CDH17: variants seen among roughly 807,000 people sequenced by gnomAD.
CDH17 encodes the protein cadherin 17, also known as cadherin-17.
Under a neutral mutation model 86.3 loss-of-function variants are expected in CDH17, and 67 were observed. That is an observed-to-expected ratio of 0.78 (90% CI 0.64 to 0.95). CDH17 has a LOEUF of 0.95. Among genes scored for constraint, CDH17 ranks in the 40% least tolerant of loss-of-function variants. The pLI is 0.00. For synonymous variants in CDH17, 367 were observed against 366.4 expected (o/e 1.00, Z -0.02); for missense variants, 993 against 1,017.6 (o/e 0.98, Z 0.33).
chr8:94,132,058 T>G (rs1442774923), intron 15 of CDH17, among the ~76,000 whole-genome samples: 1 of 152,234 alleles, frequency 6.6e-6, no homozygotes, highest in Admixed American at 6.5e-5. Context: ...GTGCCACATT[T>G]TCTTAATCCA....
intron 1 of CDH17, among the ~76,000 whole-genome samples, chr8:94,198,635 G>A (rs954975868): frequency 2.0e-5 from 3 of 151,992 alleles, no homozygotes; most frequent in African/African-American, 7.3e-5. Flanking sequence ...AACTCTTCCA[G>A]CCTTATCTGC....
intron 13 of CDH17, among the ~76,000 whole-genome samples, chr8:94,151,490 A>G (rs1301789545): frequency 6.6e-6 from 1 of 152,174 alleles, no homozygotes; most frequent in Non-Finnish European, 1.5e-5. Flanking sequence ...TAGAACTCCA[A>G]TACACCTTTA....
At chr8:94,205,706 T>C (rs537156233) in intron 1 of CDH17, among the ~76,000 whole-genome samples, 2 of 152,148 alleles carry the variant, frequency 1.3e-5, no homozygotes, top group Non-Finnish European at 2.9e-5. Context: ...TTTTTTTTTT[T>C]AATCATTGGA....
intron 11 of CDH17, among the ~76,000 whole-genome samples, chr8:94,161,504 G>A (rs537254434): frequency 6.6e-6 from 1 of 152,258 alleles, no homozygotes; most frequent in East Asian, 1.9e-4. Flanking sequence ...AAGTCTGAAC[G>A]CCCTATCGAT....
At chr8:94,201,981 G>T (rs1228082879) in intron 1 of CDH17, 1 of 230,326 alleles carries the variant, frequency 4.3e-6, no homozygotes, top group Non-Finnish European at 8.6e-6. Flanking sequence ...TAGCCCTGGA[G>T]CTGAGGAATA....
At chr8:94,161,765 T>C (rs1320732158) in intron 11 of CDH17, among the ~76,000 whole-genome samples, 1 of 152,166 alleles carries the variant, frequency 6.6e-6, no homozygotes, top group Admixed American at 6.5e-5. Flanking sequence ...CACAAAAAAA[T>C]ATATAATGAC....
chr8:94,188,274 T>C (rs1465010617), intron 3 of CDH17, among the ~76,000 whole-genome samples: 2 of 152,284 alleles, frequency 1.3e-5, no homozygotes, highest in Non-Finnish European at 2.9e-5. Flanking sequence ...ACTGTATTTT[T>C]AAATTTGTAT....
intron 15 of CDH17, among the ~76,000 whole-genome samples, chr8:94,135,971 G>A (rs1162442646): frequency 3.9e-5 from 6 of 152,172 alleles, no homozygotes; most frequent in Non-Finnish European, 8.8e-5. Flanking sequence ...TAAGAACGTT[G>A]AATATTGGCC....
At chr8:94,160,221 A>C in intron 11 of CDH17, 59 bp from the exon 12 acceptor site, 1 of 1,307,436 alleles carries the variant, frequency 7.6e-7, no homozygotes, top group Non-Finnish European at 1.1e-6. Context: ...AAGCCAAAGG[A>C]CAAACTTATC....
chr8:94,159,919 T>C, intron 12 of CDH17, 52 bp downstream of exon 12: 4 of 1,438,188 alleles, frequency 2.8e-6, no homozygotes, highest in Non-Finnish European at 3.8e-6. Context: ...CTGTCATTAG[T>C]AAATTAACCC....
upstream of CDH17, among the ~76,000 whole-genome samples, chr8:94,213,288 G>A (rs1335887820): frequency 3.3e-5 from 5 of 152,214 alleles, no homozygotes; most frequent in Non-Finnish European, 7.3e-5. Context: ...CTGGATTTCT[G>A]ATGCAGGTGA....
Position 94,189,299 on chromosome 8 carries a change from AAG to A in CDH17, c.52-16_52-15del, listed in dbSNP as rs1813641114. ...ATATCCAGTTGCCTGTTAAAAAAGA[AAG>A]AGAAAATTAGCATCTTGTATGAAGT... On this transcript the variant is annotated splice_polypyrimidine_tract_variant and intron_variant, in intron 2 of 17. Transcript: ENST00000027335. 6.3e-7 allele frequency: 1 copy of A among 1,579,344 alleles called. No homozygotes were observed. The highest frequency in any genetic ancestry group is 1.4e-5 in the African/African-American group (1 of 73,168).
intron 3 of CDH17, among the ~76,000 whole-genome samples, chr8:94,180,811 C>A (rs908185572): frequency 6.6e-6 from 1 of 152,002 alleles, no homozygotes; most frequent in Non-Finnish European, 1.5e-5. Flanking sequence ...AGGAGAATAG[C>A]GTGAACCCAG....
At chr8:94,155,007 T>C (rs1051256237) in intron 12 of CDH17, among the ~76,000 whole-genome samples, 1 of 152,078 alleles carries the variant, frequency 6.6e-6, no homozygotes, top group Non-Finnish European at 1.5e-5. Context: ...AGTTCATAAG[T>C]GCTGTGGGAC....
chr8:94,134,853 C>T (rs758375914), intron 15 of CDH17, among the ~76,000 whole-genome samples: 67 of 152,208 alleles, frequency 4.4e-4, no homozygotes, highest in African/African-American at 1.4e-3. Flanking sequence ...GATTCTGGTA[C>T]GTTGTGTGTT....
chr8:94,192,718 A>C (rs1228764609), intron 2 of CDH17, among the ~76,000 whole-genome samples: 3 of 152,184 alleles, frequency 2.0e-5, no homozygotes, highest in Admixed American at 1.3e-4. Flanking sequence ...AGGCCCAGGC[A>C]TAACTCCAAA....
intron 8 of CDH17, 95 bp from the exon 9 acceptor site, chr8:94,170,642 C>A (rs1813251595): frequency 1.4e-6 from 2 of 1,424,588 alleles, no homozygotes; most frequent in African/African-American, 1.4e-5. Flanking sequence ...TCATTTACTC[C>A]CTTATTTTTA....
Position 94,179,175 on chromosome 8 carries a change from C to G in CDH17, c.151-1454G>C, listed in dbSNP as rs2340032. 8.3e-3 allele frequency among the ~76,000 whole-genome samples: 1,259 copies of G among 151,974 alleles called. 23 individuals carry two copies. The highest frequency in any genetic ancestry group is 0.028 in the African/African-American group (1,140 of 41,446). The stretch of plus-strand genomic sequence containing the variant: ...ACAGTACCATGGAGAGGGTGAGAAG[C>G]GTTTGTAGCTTCCCAAAAGCTCCAT... On this transcript the variant is annotated intron_variant, in intron 3 of 17. Transcript: ENST00000027335.
At chr8:94,170,690 G>A in intron 8 of CDH17, 143 bp from the exon 9 acceptor site, 4 of 1,316,950 alleles carry the variant, frequency 3.0e-6, no homozygotes, top group Non-Finnish European at 4.2e-6. Context: ...AACTGAGATG[G>A]GTCAGAATTA....
Sources: allele counts gnomAD v4.1 joint callset (sites outside exome capture counted in the v4.1 genomes callset), GRCh38; gene constraint gnomAD v4.1.1; transcripts MANE v1.5; gene names NCBI Gene and HGNC (gene_info 2026-07-23, HGNC 2026-07-21).